CLSTN2: variants seen among roughly 807,000 people sequenced by gnomAD.
CLSTN2 encodes the protein calsyntenin-2.
Under a neutral mutation model 101.2 loss-of-function variants are expected in CLSTN2, and 48 were observed. That is an observed-to-expected ratio of 0.47 (90% confidence interval 0.38 to 0.60). The LOEUF (loss-of-function observed/expected upper bound fraction) is 0.60, where lower values mean the gene tolerates loss of function less well. CLSTN2 is among the 20% of genes least tolerant of loss of function. CLSTN2 has a pLI of 0.00. For synonymous variants in CLSTN2, 481 were observed against 463.6 expected (o/e 1.04, Z -0.48); for missense variants, 1,160 against 1,238.2 (o/e 0.94, Z 0.95).
chr3:139,978,763 A>AG (rs2107822541), intron 1 of CLSTN2, among the ~76,000 whole-genome samples: 1 of 151,858 alleles, frequency 6.6e-6, no homozygotes, highest in East Asian at 2.0e-4. Context: ...GAAAGTCAAT[A>AG]CCTAATGCCA....
intron 2 of CLSTN2, among the ~76,000 whole-genome samples, chr3:140,282,781 C>G (rs2086860749): frequency 1.3e-5 from 2 of 152,132 alleles, no homozygotes; most frequent in Admixed American, 1.3e-4. Context: ...GGTCTCAATT[C>G]AAAAATGACT....
intron 2 of CLSTN2, among the ~76,000 whole-genome samples, chr3:140,233,947 C>T (rs1278254544): frequency 1.3e-5 from 2 of 152,174 alleles, no homozygotes; most frequent in Admixed American, 1.3e-4. Flanking sequence ...TTGTTTATGA[C>T]TTTTCTCACG....
chr3:140,397,559 C>T (rs967213003), intron 2 of CLSTN2, among the ~76,000 whole-genome samples: 2 of 152,186 alleles, frequency 1.3e-5, no homozygotes, highest in African/African-American at 2.4e-5. Context: ...GATCAAGGCA[C>T]TGACACCTTC....
chr3:140,097,945 C>T (rs1031469972), intron 1 of CLSTN2, among the ~76,000 whole-genome samples: 1 of 152,052 alleles, frequency 6.6e-6, no homozygotes, highest in African/African-American at 2.4e-5. Flanking sequence ...TGCTATTCGT[C>T]CCAGAGAAAT....
chr3:140,284,932 C>T (rs968172645), intron 2 of CLSTN2, among the ~76,000 whole-genome samples: 3 of 152,080 alleles, frequency 2.0e-5, no homozygotes, highest in Admixed American at 2.0e-4. Context: ...CCTCTCACCC[C>T]TACTCCAAGA....
intron 1 of CLSTN2, among the ~76,000 whole-genome samples, chr3:139,940,831 A>G (rs1363856716): frequency 1.3e-5 from 2 of 152,100 alleles, no homozygotes; most frequent in Admixed American, 1.3e-4. Flanking sequence ...GGGCCAGCTC[A>G]GAGTAAAGGT....
intron 2 of CLSTN2, among the ~76,000 whole-genome samples, chr3:140,251,020 C>A (rs948714487): frequency 1.3e-5 from 2 of 152,166 alleles, no homozygotes; most frequent in African/African-American, 4.8e-5. Flanking sequence ...CGGATATGTC[C>A]ATGCCATGAC....
At chr3:140,424,001 C>A (rs2088534305) in intron 5 of CLSTN2, among the ~76,000 whole-genome samples, 1 of 152,208 alleles carries the variant, frequency 6.6e-6, no homozygotes, top group Non-Finnish European at 1.5e-5. Flanking sequence ...CAAGGAGAAG[C>A]ACCCCTCTGC....
chr3:140,537,134 G>A (rs1005178975), intron 9 of CLSTN2, among the ~76,000 whole-genome samples: 1 of 152,138 alleles, frequency 6.6e-6, no homozygotes, highest in African/African-American at 2.4e-5. Context: ...GCAGTTGTGG[G>A]GAGTGTTTCA....
At chr3:140,344,832 C>G (rs1276580859) in intron 2 of CLSTN2, among the ~76,000 whole-genome samples, 1 of 152,204 alleles carries the variant, frequency 6.6e-6, no homozygotes, top group Non-Finnish European at 1.5e-5. Context: ...CAGCATGCAG[C>G]ACAGTGCTTA....
At chr3:140,406,095 A>G (rs989300273) in intron 4 of CLSTN2, among the ~76,000 whole-genome samples, 5 of 152,234 alleles carry the variant, frequency 3.3e-5, no homozygotes, top group African/African-American at 4.8e-5. Context: ...GCCATGAACC[A>G]GGGTTGGGCA....
chr3:140,210,369 CA>C (rs1343816007), intron 2 of CLSTN2, among the ~76,000 whole-genome samples: 24 of 152,194 alleles, frequency 1.6e-4, no homozygotes, highest in African/African-American at 5.8e-4. Flanking sequence ...ATAGAAGCAG[CA>C]GTAGCCGAGG....
At chr3:140,363,167 A>G (rs1009896816) in intron 2 of CLSTN2, among the ~76,000 whole-genome samples, 1 of 152,250 alleles carries the variant, frequency 6.6e-6, no homozygotes, top group African/African-American at 2.4e-5. Context: ...AATTACTAAT[A>G]AACAGTACAA....
At chr3:140,104,470 C>A (rs1427606276) in intron 1 of CLSTN2, among the ~76,000 whole-genome samples, 2 of 152,202 alleles carry the variant, frequency 1.3e-5, no homozygotes, top group African/African-American at 4.8e-5. Flanking sequence ...TCTTGTTCCT[C>A]ACCCTAATGC....
intron 2 of CLSTN2, among the ~76,000 whole-genome samples, chr3:140,263,467 G>A (rs187617841): frequency 3.9e-4 from 59 of 152,302 alleles, no homozygotes; most frequent in Non-Finnish European, 7.2e-4. Context: ...CACTCAGGCA[G>A]GTTGTGGGGT....
chr3:140,231,603 C>T (rs184690804), intron 2 of CLSTN2, among the ~76,000 whole-genome samples: 16 of 152,288 alleles, frequency 1.1e-4, no homozygotes, highest in Non-Finnish European at 1.9e-4. Flanking sequence ...GTATTCCTCT[C>T]AACTGGTTCC....
chr3:140,127,953 G>C (rs1194703904), intron 1 of CLSTN2, among the ~76,000 whole-genome samples: 1 of 152,084 alleles, frequency 6.6e-6, no homozygotes, highest in Non-Finnish European at 1.5e-5. Flanking sequence ...AATAATCATA[G>C]TAATAATAAA....
chr3:139,960,533 C>T (rs1289102048), intron 1 of CLSTN2, among the ~76,000 whole-genome samples: 2 of 152,242 alleles, frequency 1.3e-5, no homozygotes, highest in African/African-American at 4.8e-5. Flanking sequence ...CTTATCTCTC[C>T]TCCAAGGCCT....
rs1367973590 is a variant in CLSTN2, at chr3:140,448,657, G to T, written c.926G>T (p.Gly309Val). 1 of 1,613,982 alleles carries T rather than the reference G, an allele frequency of 6.2e-7. No individual in the cohort carries two copies. The highest frequency in any genetic ancestry group is 8.5e-7 in the Non-Finnish European group (1 of 1,179,956). Residue 309 changes from glycine (G) to valine (V), a missense_variant, in exon 6 of 17, where the codon GGT becomes GTT. Gly to Val is a moderately radical substitution (Grantham distance 109). Transcript: ENST00000458420. ...CTGCAGACTAATTACATTGGGAAGGGTTGTGACCGGGAGACCTACTCTGAG... is the reference window on the plus strand; with the variant it reads ...CTGCAGACTAATTACATTGGGAAGGTTTGTGACCGGGAGACCTACTCTGAG... ...TELQTNYIGK[G>V]CDRETYSEKS...
Sources: gnomAD v4.1 joint callset for allele counts (sites outside exome capture counted in the v4.1 genomes callset) on GRCh38, gnomAD v4.1.1 for gene constraint, MANE v1.5 for transcripts, NCBI Gene and HGNC (gene_info 2026-07-23, HGNC 2026-07-21) for gene names.